Variants in APOBEC1 observed in about 807,000 individuals in gnomAD.
APOBEC1 encodes the protein C->U-editing enzyme APOBEC-1.
A neutral mutation model predicts 26.3 loss-of-function variants in APOBEC1; 22 were observed. That is an observed-to-expected ratio of 0.84 (90% confidence interval 0.60 to 1.19). APOBEC1 has a LOEUF of 1.19. APOBEC1 is among the 50% of genes most tolerant of loss of function. APOBEC1 has a pLI of 0.00. For missense variants in APOBEC1, 253 were observed against 289.0 expected, an observed-to-expected ratio of 0.88 and a Z score of 0.90; for synonymous variants, 77 against 95.3, an observed-to-expected ratio of 0.81 and a Z score of 1.12.
In APOBEC1 at chr12:7,649,711, G is replaced by T. The variant is rs1295555619; in HGVS notation, c.562-15C>A. ...GGTGGAAGACTCTGGAATAAAAAAGGATTATATTTAATCCTTAGGATGAAT... is the reference window on the plus strand; with the variant it reads ...GGTGGAAGACTCTGGAATAAAAAAGTATTATATTTAATCCTTAGGATGAAT... On this transcript the variant is annotated splice_polypyrimidine_tract_variant and intron_variant, in intron 4 of 4. Coordinates refer to ENST00000229304, the MANE Select transcript of APOBEC1 (RefSeq NM_001644.5). The T allele has an allele frequency of 6.4e-7, 1 of 1,571,126 alleles. No homozygotes were observed. Among genetic ancestry groups the T allele is most frequent in the South Asian group, 1.1e-5 (1 of 89,554 alleles).
rs867200012 is a variant in APOBEC1, at chr12:7,652,783, G to A, written c.97C>T (p.Arg33Cys). 4.3e-6 allele frequency: 7 copies of A among 1,613,436 alleles called. No homozygotes were observed. The East Asian group carries it at 1.1e-4, about 26-fold the overall frequency. The change falls in exon 3 of 5, where the codon CGT becomes TGT. Residue 33 changes from arginine (R) to cysteine (C), a missense_variant. Arg to Cys is a radical substitution (Grantham distance 180). Coordinates refer to ENST00000229304, the MANE Select transcript of APOBEC1 (RefSeq NM_001644.5). Reference protein sequence around the residue: ...FDVFYDPRELRKEACLLYEIK... With the variant: ...FDVFYDPRELCKEACLLYEIK... ...TCGTAGAGCAGACAGGCCTCTTTAC[G>A]AAGTTCTCTGGGGTCATAGAAGACG...
At chr12:7,650,193 A>G (rs1351382975) in intron 4 of APOBEC1, among the ~76,000 whole-genome samples, 1 of 152,224 alleles carries the variant, frequency 6.6e-6, no homozygotes, top group Non-Finnish European at 1.5e-5. Flanking sequence ...AAGAGAAAGG[A>G]GAATATCTGA....
At chr12:7,659,338 T>TATATATATAC (rs1555094658) in intron 1 of APOBEC1, among the ~76,000 whole-genome samples, 2 of 101,484 alleles carry the variant, frequency 2.0e-5, no homozygotes, top group African/African-American at 7.5e-5. Context: ...TATATATATA[T>TATATATATAC]ATATATATAT....
At chr12:7,659,322 AATATATATATATATAT>A (rs1328982852) in intron 1 of APOBEC1, among the ~76,000 whole-genome samples, 1 of 46,280 alleles carries the variant, frequency 2.2e-5, no homozygotes, top group African/African-American at 1.3e-4. Context: ...AAAAAAAAAA[AATATATATATATATAT>A]ATATATATAT....
Position 7,651,107 on chromosome 12 carries a change from G to T in APOBEC1, c.477C>A (p.Tyr159Ter), listed in dbSNP as rs1273539773. The T allele has an allele frequency of 1.2e-6, 2 of 1,613,890 alleles. No homozygotes were observed. Among genetic ancestry groups the T allele is most frequent in the African/African-American group, 1.3e-5 (1 of 74,886 alleles). The change falls in exon 4 of 5, where the codon TAC (tyrosine) becomes TAA (stop). Residue 159 changes from tyrosine (Y) to a stop codon, truncating the protein, a stop_gained. Coordinates refer to ENST00000229304, the MANE Select transcript of APOBEC1 (RefSeq NM_001644.5). LOFTEE classifies it high-confidence loss of function. ...YYHCWRNFVNYPPGDEAHWPQ... is the reference protein window; with the variant it reads ...YYHCWRNFVN ...GCCAGTGAGCTTCATCCCCAGGTGG[G>T]TAGTTGACAAAATTCCTCCAGCAGT... is the stretch of plus-strand genomic sequence containing the variant.
Position 7,652,753 on chromosome 12 carries a change from T to C in APOBEC1, c.127A>G (p.Lys43Glu). The change falls in exon 3 of 5, where the codon AAG (lysine) becomes GAG (glutamate). Residue 43 changes from lysine (K) to glutamate (E), a missense_variant. Transcript: ENST00000229304. ...RKEACLLYEI[K>E]WGMSRKIWRS... ...CAGATCTTCCGGCTCATGCCCCACT[T>C]GATTTCGTAGAGCAGACAGGCCTCT... is the stretch of plus-strand genomic sequence containing the variant. The C allele has an allele frequency of 1.2e-6, 2 of 1,614,108 alleles. No homozygotes were observed. Among genetic ancestry groups the C allele is most frequent in the Non-Finnish European group, 1.7e-6 (2 of 1,180,030 alleles).
intron 4 of APOBEC1, 59 bp downstream of exon 4, chr12:7,650,964 G>A: frequency 4.0e-6 from 5 of 1,256,382 alleles, no homozygotes; most frequent in Non-Finnish European, 3.5e-6. Context: ...TCTCAGGAAA[G>A]ACCTTTGAAG....
chr12:7,664,178 A>G (rs1863861374), intron 1 of APOBEC1, among the ~76,000 whole-genome samples: 1 of 152,062 alleles, frequency 6.6e-6, no homozygotes, highest in Admixed American at 6.6e-5. Flanking sequence ...CTAACAGATG[A>G]AGAACATAAA....
chr12:7,663,873 C>T (rs1432076976), intron 1 of APOBEC1, among the ~76,000 whole-genome samples: 1 of 150,966 alleles, frequency 6.6e-6, no homozygotes, highest in East Asian at 1.9e-4. Flanking sequence ...TTTTTTTTCC[C>T]GAGATGGAGT....
upstream of APOBEC1, among the ~76,000 whole-genome samples, chr12:7,667,252 A>T (rs1276661590): frequency 6.6e-6 from 1 of 151,988 alleles, no homozygotes; most frequent in African/African-American, 2.4e-5. Flanking sequence ...TAAATGCCAT[A>T]CTTCCCTATG....
At chr12:7,655,464 G>A (rs751842714) in intron 1 of APOBEC1, among the ~76,000 whole-genome samples, 2 of 151,734 alleles carry the variant, frequency 1.3e-5, no homozygotes, top group South Asian at 2.1e-4. Context: ...GCAGTGAGCC[G>A]AGATCACGCC....
intron 3 of APOBEC1, among the ~76,000 whole-genome samples, chr12:7,651,483 G>C (rs745724045): frequency 1.3e-5 from 2 of 151,958 alleles, no homozygotes; most frequent in South Asian, 4.2e-4. Flanking sequence ...GCGTGGTGGT[G>C]GGCGCCTGTA....
chr12:7,670,589 T>C (rs1251471998), upstream of APOBEC1, among the ~76,000 whole-genome samples: 1 of 139,006 alleles, frequency 7.2e-6, no homozygotes, highest in Non-Finnish European at 1.6e-5. Flanking sequence ...ACCCCACCTC[T>C]ACTAAAAATA....
chr12:7,665,756 C>CAT, intron 1 of APOBEC1, 101 bp downstream of exon 1: 1 of 152,066 alleles, frequency 6.6e-6, no homozygotes, highest in Non-Finnish European at 1.4e-5. Context: ...CAGCAGGACA[C>CAT]ACACACACAC....
chr12:7,661,228 C>T (rs1264847300), intron 1 of APOBEC1, among the ~76,000 whole-genome samples: 2 of 142,016 alleles, frequency 1.4e-5, no homozygotes, highest in East Asian at 2.0e-4. Context: ...AAAAAAAAGA[C>T]GGGAACAATA....
upstream of APOBEC1, among the ~76,000 whole-genome samples, chr12:7,668,774 G>A (rs184037843): frequency 4.6e-5 from 7 of 152,030 alleles, no homozygotes; most frequent in African/African-American, 1.2e-4. Context: ...TATCGCCCAG[G>A]CTGGAGTGCA....
upstream of APOBEC1, among the ~76,000 whole-genome samples, chr12:7,669,036 C>A (rs1269183566): frequency 6.6e-6 from 1 of 151,672 alleles, no homozygotes; most frequent in Non-Finnish European, 1.5e-5. Context: ...CTGGCCAGCA[C>A]CCCCCAATTC....
At chr12:7,660,408 G>T (rs952919980) in intron 1 of APOBEC1, among the ~76,000 whole-genome samples, 9 of 81,492 alleles carry the variant, frequency 1.1e-4, no homozygotes, top group Admixed American at 7.3e-4. Flanking sequence ...AAGAAAGAAA[G>T]AAAGAGAGGG....
chr12:7,665,405 C>T (rs767681680), intron 1 of APOBEC1, among the ~76,000 whole-genome samples: 5 of 152,108 alleles, frequency 3.3e-5, no homozygotes, highest in Non-Finnish European at 7.3e-5. Context: ...TCAAGTGATC[C>T]TCCTGCCTCA....
Sources: allele counts gnomAD v4.1 joint callset (sites outside exome capture counted in the v4.1 genomes callset), GRCh38; gene constraint gnomAD v4.1.1; transcripts MANE v1.5; gene names NCBI Gene and HGNC (gene_info 2026-07-23, HGNC 2026-07-21).